The following HOMER2 variants were observed in gnomAD, a reference collection of about 807,000 sequenced individuals.
HOMER2 encodes homer scaffold protein 2.
A neutral mutation model predicts 47.0 loss-of-function variants in HOMER2; 27 were observed. That is an observed-to-expected ratio of 0.57 (90% CI 0.42 to 0.79). The LOEUF (loss-of-function observed/expected upper bound fraction) is 0.79. Among genes scored for constraint, HOMER2 ranks in the 30% least tolerant of loss-of-function variants. The pLI is 0.00. For missense variants in HOMER2, 443 were observed against 435.0 expected, an observed-to-expected ratio of 1.02 and a Z score of -0.16; for synonymous variants, 161 against 163.8, an observed-to-expected ratio of 0.98 and a Z score of 0.13.
exon 2 of HOMER2, chr15:82,841,036 G>C (rs1022674923): frequency 6.6e-6 from 1 of 151,878 alleles, no homozygotes; most frequent in African/African-American, 2.4e-5. Context: ...TCTTATTTAG[G>C]TATGAAAAAT....
chr15:82,914,642 G>A (rs1242355394), intron 1 of HOMER2, among the ~76,000 whole-genome samples: 1 of 152,000 alleles, frequency 6.6e-6, no homozygotes, highest in African/African-American at 2.4e-5. Context: ...AGTAGTGATG[G>A]CTACACGACA....
chr15:82,855,325 C>CAAAAAAAAAAAAAAAAAA (rs1162254209), intron 5 of HOMER2, among the ~76,000 whole-genome samples: 1 of 61,518 alleles, frequency 1.6e-5, no homozygotes, highest in Non-Finnish European at 2.7e-5. Flanking sequence ...ACTCCATCTC[C>CAAAAAAAAAAAAAAAAAA]AAAAAAAAAA....
chr15:82,910,547 G>A (rs1378397345), intron 1 of HOMER2, among the ~76,000 whole-genome samples: 8 of 152,170 alleles, frequency 5.3e-5, no homozygotes, highest in South Asian at 2.1e-4. Context: ...TGCACAGTAC[G>A]TTTTGGCATG....
chr15:82,854,910 C>T (rs1337178650), intron 5 of HOMER2, 110 bp from the exon 6 acceptor site: 17 of 1,272,638 alleles, frequency 1.3e-5, no homozygotes, highest in Middle Eastern at 2.7e-4. Flanking sequence ...GGGGGGCCCA[C>T]GCCCTCTCCC....
intron 1 of HOMER2, among the ~76,000 whole-genome samples, chr15:82,897,010 G>A (rs1348029210): frequency 6.6e-6 from 1 of 150,510 alleles, no homozygotes; most frequent in Admixed American, 6.6e-5. Context: ...AGAGAGGCCA[G>A]GTAACCTGAC....
At chr15:82,983,473 A>G (rs1283020410) in intron 1 of HOMER2, among the ~76,000 whole-genome samples, 2 of 152,164 alleles carry the variant, frequency 1.3e-5, no homozygotes, top group African/African-American at 2.4e-5. Context: ...AAATTTTACA[A>G]ATGTATTTGG....
intron 1 of HOMER2, among the ~76,000 whole-genome samples, chr15:82,906,212 T>C (rs977783590): frequency 3.3e-4 from 50 of 151,558 alleles, no homozygotes; most frequent in Non-Finnish European, 1.6e-4. Context: ...GGAGAAGAAA[T>C]AGAATCATAT....
chr15:82,953,539 C>G (rs1243058539), upstream of HOMER2, among the ~76,000 whole-genome samples: 1 of 152,176 alleles, frequency 6.6e-6, no homozygotes, highest in Non-Finnish European at 1.5e-5. Context: ...CTGCTGGGAA[C>G]ACACCGCCCA....
In HOMER2 at chr15:82,913,523, A is replaced by T. The variant is rs1485821431; in HGVS notation, c.6-20682T>A. Reference sequence around the variant, plus strand: ...CAGGGCACACAGCCTGCCTCCCCCTATTTCTGCTATTGTTCTTGCTTCTGT... The same window carrying T: ...CAGGGCACACAGCCTGCCTCCCCCTTTTTCTGCTATTGTTCTTGCTTCTGT... On this transcript the variant is annotated intron_variant, in intron 1 of 8. Transcript: ENST00000450735. The surrounding 1 kb of genome is among the most constrained non-coding windows in gnomAD (Gnocchi z 4.1). 6.6e-6 allele frequency among the ~76,000 whole-genome samples: 1 copy of T among 151,886 alleles called. No homozygotes were observed. The highest frequency in any genetic ancestry group is 1.9e-4 in the East Asian group (1 of 5,176).
Position 82,860,859 on chromosome 15 carries a change from C to T in HOMER2, c.388-1724G>A, listed in dbSNP as rs2051748637. ...AGCTGAGGCAGGAGGATCCCTTGAA[C>T]CTGGGTGGCAGAGGTTGCAGTGAGC... On this transcript the variant is annotated intron_variant, in intron 4 of 8. Transcript: ENST00000450735. 2.6e-5 allele frequency among the ~76,000 whole-genome samples: 4 copies of T among 151,670 alleles called. No individual in the cohort carries two copies. In the South Asian group the frequency reaches 6.3e-4, roughly 24 times the overall value.
At chr15:82,836,913 A>G (rs1328963603), downstream of HOMER2, 1 of 152,360 alleles carries the variant, frequency 6.6e-6, no homozygotes, top group East Asian at 1.9e-4. Flanking sequence ...TTGGTTTTCT[A>G]TTGCTGCCAT....
chr15:82,976,127 G>C (rs1171668436), intron 1 of HOMER2, among the ~76,000 whole-genome samples: 1 of 152,174 alleles, frequency 6.6e-6, no homozygotes, highest in East Asian at 1.9e-4. Flanking sequence ...GTGTGTGCAC[G>C]CACTCCGTGT....
At chr15:82,848,458 C>G (rs1028947648), downstream of HOMER2, among the ~76,000 whole-genome samples, 4 of 152,218 alleles carry the variant, frequency 2.6e-5, no homozygotes, top group African/African-American at 7.2e-5. Flanking sequence ...CAACAGCACC[C>G]ACAGGCCCGC....
At chr15:82,934,601 G>C (rs2054098243) in intron 1 of HOMER2, among the ~76,000 whole-genome samples, 1 of 152,018 alleles carries the variant, frequency 6.6e-6, no homozygotes, top group Non-Finnish European at 1.5e-5. Context: ...CTTTCTTCCT[G>C]GGAGGGCCCA....
At chr15:82,894,161 T>C (rs1038311911) in intron 1 of HOMER2, among the ~76,000 whole-genome samples, 2 of 152,172 alleles carry the variant, frequency 1.3e-5, no homozygotes, top group African/African-American at 4.8e-5. Flanking sequence ...TTCACCAAAT[T>C]TGCATATTAC....
chr15:82,950,571 C>A (rs577227981), intron 1 of HOMER2, among the ~76,000 whole-genome samples: 2 of 152,150 alleles, frequency 1.3e-5, no homozygotes, highest in Non-Finnish European at 2.9e-5. Context: ...GCTTCCCCAG[C>A]CCTTAGCTGC....
intron 1 of HOMER2, among the ~76,000 whole-genome samples, chr15:82,916,492 T>C (rs139195738): frequency 0.011 from 1,630 of 152,200 alleles, 8 homozygotes; most frequent in Non-Finnish European, 0.016. Context: ...AATAGGTCTA[T>C]TGCATGCATG....
intron 1 of HOMER2, among the ~76,000 whole-genome samples, chr15:82,933,145 T>C (rs1407332103): frequency 4.0e-5 from 6 of 151,244 alleles, no homozygotes; most frequent in Non-Finnish European, 8.8e-5. Flanking sequence ...AAAAAAACTA[T>C]GGACACCCTC....
At chr15:82,867,022 A>C (rs2051990641) in intron 3 of HOMER2, among the ~76,000 whole-genome samples, 1 of 152,202 alleles carries the variant, frequency 6.6e-6, no homozygotes, top group African/African-American at 2.4e-5. Flanking sequence ...TTTATATAAA[A>C]AATTAGCTTA....
Sources: allele counts gnomAD v4.1 joint callset (sites outside exome capture counted in the v4.1 genomes callset), GRCh38; gene constraint gnomAD v4.1.1; non-coding constraint Gnocchi (gnomAD v3.1); transcripts MANE v1.5; gene names NCBI Gene and HGNC (gene_info 2026-07-23, HGNC 2026-07-21).